AFAP1L2: variants seen among roughly 807,000 people sequenced by gnomAD.
AFAP1L2 encodes the protein actin filament-associated protein 1-like 2.
In AFAP1L2, 46 loss-of-function variants were observed where a neutral mutation model predicts 99.3. The observed-to-expected ratio is 0.46, with a 90% CI of 0.37 to 0.59. The LOEUF is 0.59. Ranked by LOEUF, AFAP1L2 falls within the 20% of genes least tolerant of loss-of-function variation. The pLI is 0.00. For synonymous variants in AFAP1L2, 397 were observed against 419.1 expected, an observed-to-expected ratio of 0.95 and a Z score of 0.64; for missense variants, 959 against 1,034.9, an observed-to-expected ratio of 0.93 and a Z score of 1.01.
At chr10:114,318,748 G>GAAAAAAAGAAAAAAAAAA (rs71473039) in intron 5 of AFAP1L2, among the ~76,000 whole-genome samples, 2 of 118,896 alleles carry the variant, frequency 1.7e-5, no homozygotes, top group Non-Finnish European at 3.4e-5. Context: ...CTAAAAAAAA[G>GAAAAAAAGAAAAAAAAAA]AAAAAAAAAA....
At chr10:114,343,216 T>C (rs143402534) in intron 1 of AFAP1L2, among the ~76,000 whole-genome samples, 1 of 152,278 alleles carries the variant, frequency 6.6e-6, no homozygotes, top group East Asian at 1.9e-4. Context: ...CAAACAATTC[T>C]TCCCCCAAAT....
At chr10:114,306,103 GA>G (rs1248007789) in intron 10 of AFAP1L2, among the ~76,000 whole-genome samples, 5 of 91,688 alleles carry the variant, frequency 5.5e-5, no homozygotes, top group Admixed American at 9.7e-5. Flanking sequence ...GCAGATGCAG[GA>G]AGGGATGCAG....
At chr10:114,386,076 C>G (rs2056462995) in intron 1 of AFAP1L2, among the ~76,000 whole-genome samples, 1 of 152,144 alleles carries the variant, frequency 6.6e-6, no homozygotes, top group Admixed American at 6.5e-5. Context: ...GAAAACCCAC[C>G]ATCCAGTAGT....
At chr10:114,397,452 T>TTTC (rs1393649957) in intron 1 of AFAP1L2, among the ~76,000 whole-genome samples, 1 of 152,232 alleles carries the variant, frequency 6.6e-6, no homozygotes, top group East Asian at 1.9e-4. Flanking sequence ...AGCCTTGGAC[T>TTTC]TTCACTTTCT....
At chr10:114,304,436 G>A (rs2041779046) in intron 11 of AFAP1L2, among the ~76,000 whole-genome samples, 1 of 152,142 alleles carries the variant, frequency 6.6e-6, no homozygotes, top group Non-Finnish European at 1.5e-5. Flanking sequence ...CACCCACTTT[G>A]AATCCCCAGC....
chr10:114,363,344 G>A (rs778778911), intron 1 of AFAP1L2, among the ~76,000 whole-genome samples: 49 of 152,232 alleles, frequency 3.2e-4, no homozygotes, highest in South Asian at 1.0e-3. Flanking sequence ...TCAGGCCAGC[G>A]GTCCACTGTG....
chr10:114,286,912 C>T, the AFAP1L2 span, among the ~76,000 whole-genome samples: 1 of 152,188 alleles, frequency 6.6e-6, no homozygotes, highest in Admixed American at 6.5e-5. Flanking sequence ...AAAGTGTGTT[C>T]CTGGTGCACA....
chr10:114,324,675 G>C (rs533768905), intron 4 of AFAP1L2, among the ~76,000 whole-genome samples: 2 of 152,226 alleles, frequency 1.3e-5, no homozygotes, highest in Non-Finnish European at 2.9e-5. Flanking sequence ...CGCCCTCCGC[G>C]TGAGAGGGAA....
At chr10:114,289,216 A>T in the AFAP1L2 span, 1 of 1,613,718 alleles carries the variant, frequency 6.2e-7, no homozygotes, top group Admixed American at 1.7e-5. Context: ...CCTGCTGCAC[A>T]TCTATGACAA....
chr10:114,322,042 T>C (rs537034768), intron 5 of AFAP1L2, among the ~76,000 whole-genome samples: 12 of 152,286 alleles, frequency 7.9e-5, no homozygotes, highest in Middle Eastern at 3.4e-3. Flanking sequence ...CTCGTGATAG[T>C]GAATAAGTCT....
At chr10:114,312,023 TG>T (rs2043318684) in intron 7 of AFAP1L2, among the ~76,000 whole-genome samples, 1 of 152,074 alleles carries the variant, frequency 6.6e-6, no homozygotes, top group South Asian at 2.1e-4. Flanking sequence ...TTGTCTGAGC[TG>T]GGGGGAAGGG....
downstream of AFAP1L2, among the ~76,000 whole-genome samples, chr10:114,293,686 A>G (rs906618486): frequency 1.7e-4 from 26 of 152,238 alleles, no homozygotes; most frequent in Admixed American, 1.5e-3. Context: ...CATTGCATAT[A>G]GGCCATAAAT....
chr10:114,381,340 G>A (rs2055589409), intron 1 of AFAP1L2, among the ~76,000 whole-genome samples: 1 of 152,156 alleles, frequency 6.6e-6, no homozygotes, highest in African/African-American at 2.4e-5. Context: ...AAATCTGTAG[G>A]AACAGAAAGT....
chr10:114,349,047 C>T (rs2050030724), intron 1 of AFAP1L2, among the ~76,000 whole-genome samples: 1 of 152,108 alleles, frequency 6.6e-6, no homozygotes, highest in Admixed American at 6.6e-5. Context: ...ACATTTTCTC[C>T]TAAAGTCCTT....
intron 1 of AFAP1L2, 119 bp downstream of exon 1, chr10:114,404,321 G>C: frequency 1.7e-6 from 2 of 1,178,438 alleles, no homozygotes; most frequent in Non-Finnish European, 2.4e-6. Context: ...GTCCGGGCTG[G>C]GTGGGGGCAG....
chr10:114,400,910 CA>C (rs987060273), intron 1 of AFAP1L2, among the ~76,000 whole-genome samples: 7 of 152,084 alleles, frequency 4.6e-5, no homozygotes, highest in African/African-American at 1.7e-4. Flanking sequence ...AACTTCAACA[CA>C]AAAAAACCTG....
intron 7 of AFAP1L2, among the ~76,000 whole-genome samples, chr10:114,311,886 T>C (rs1217142117): frequency 6.6e-6 from 1 of 152,216 alleles, no homozygotes; most frequent in Non-Finnish European, 1.5e-5. Flanking sequence ...GGAAGGTAGA[T>C]GGGCTTCACA....
intron 1 of AFAP1L2, among the ~76,000 whole-genome samples, chr10:114,389,616 G>C (rs78083264): frequency 1.3e-5 from 2 of 152,188 alleles, no homozygotes; most frequent in African/African-American, 4.8e-5. Flanking sequence ...AGAATGGCTG[G>C]AGGTGACTGA....
chr10:114,291,214 C>A, downstream of AFAP1L2: 1 of 1,550,542 alleles, frequency 6.4e-7, no homozygotes. Flanking sequence ...ACTTCCTTCC[C>A]CAGGATTCTT....
Sources: allele counts gnomAD v4.1 joint callset (sites outside exome capture counted in the v4.1 genomes callset), GRCh38; gene constraint gnomAD v4.1.1; transcripts MANE v1.5; gene names NCBI Gene and HGNC (gene_info 2026-07-23, HGNC 2026-07-21).